ARFGEF1: variants seen among roughly 807,000 people sequenced by gnomAD.
The protein encoded by ARFGEF1 is ARF guanine nucleotide exchange factor 1.
A neutral mutation model predicts 231.0 loss-of-function variants in ARFGEF1; 42 were observed. The ratio of observed to expected loss-of-function variants is 0.18; its 90% CI spans 0.14 to 0.24. ARFGEF1 has a LOEUF of 0.24. Ranked by LOEUF, ARFGEF1 falls within the 10% of genes least tolerant of loss-of-function variation. The pLI, the probability that ARFGEF1 is intolerant of heterozygous loss-of-function variation, is 1.00. For missense variants in ARFGEF1, 1,345 were observed against 2,192.0 expected, an observed-to-expected ratio of 0.61 and a Z score of 7.72; for synonymous variants, 710 against 732.3, an observed-to-expected ratio of 0.97 and a Z score of 0.49.
At position 67,219,458 on chromosome 8, in the gene ARFGEF1, A is replaced by G. The variant is rs757609722; in HGVS notation, c.4311T>C (p.Asn1437=). The stretch of plus-strand genomic sequence containing the variant: ...CTGTCTGTTGTTCTGGCAATTTCAT[A>G]TTGTCAAAGATTCTGAAAACAATTC... ...LFRIVFRIFD[N]MKLPEQQTEK... The change falls in exon 30 of 39, where the codon AAT becomes AAC. Residue 1437 remains asparagine, a synonymous_variant. Transcript: ENST00000262215. The G allele has an allele frequency of 5.6e-6, 9 of 1,611,438 alleles. No individual in the cohort carries two copies. In the Admixed American group the frequency reaches 8.4e-5, roughly 15 times the overall value.
At chr8:67,218,207 AATATATATATAT>A (rs1228163654) in intron 30 of ARFGEF1, 69 bp from the exon 31 acceptor site, 5 of 91,368 alleles carry the variant, frequency 5.5e-5, no homozygotes, top group African/African-American at 2.1e-4. Context: ...AAAAAAAAAA[AATATATATATAT>A]ATATATATAT....
intron 34 of ARFGEF1, chr8:67,207,217 C>T (rs1445028547): frequency 6.6e-6 from 1 of 152,138 alleles, no homozygotes; most frequent in Non-Finnish European, 1.5e-5. Context: ...CATCTCAGTC[C>T]CAGGGGCAAA....
intron 18 of ARFGEF1, among the ~76,000 whole-genome samples, chr8:67,252,620 A>G (rs139676033): frequency 2.6e-5 from 4 of 152,282 alleles, no homozygotes; most frequent in African/African-American, 9.6e-5. Flanking sequence ...TTTCTATATT[A>G]CTGTTATATT....
At chr8:67,201,927 C>T in intron 36 of ARFGEF1, 1 of 314,994 alleles carries the variant, frequency 3.2e-6, no homozygotes, top group Non-Finnish European at 5.9e-6. Context: ...GGGGCAACCC[C>T]CAGGAGGTGA....
chr8:67,299,096 T>C (rs891140679), intron 4 of ARFGEF1, 113 bp downstream of exon 4: 2 of 1,070,748 alleles, frequency 1.9e-6, no homozygotes, highest in Non-Finnish European at 2.6e-6. Context: ...GAATAACCTG[T>C]ATTATAGCTG....
chr8:67,310,310 G>A (rs1473983216), intron 1 of ARFGEF1, among the ~76,000 whole-genome samples: 5 of 152,202 alleles, frequency 3.3e-5, no homozygotes, highest in Non-Finnish European at 7.3e-5. Flanking sequence ...TGTTGGCCGG[G>A]CCGGTCTCCA....
At chr8:67,224,353 T>C (rs1839301850) in intron 29 of ARFGEF1, among the ~76,000 whole-genome samples, 2 of 152,188 alleles carry the variant, frequency 1.3e-5, no homozygotes, top group Admixed American at 1.3e-4. Flanking sequence ...TGTTAGCATT[T>C]GGCCAGTTAC....
At chr8:67,174,214 G>A (rs1453936293), downstream of ARFGEF1, 1 of 152,064 alleles carries the variant, frequency 6.6e-6, no homozygotes, top group Non-Finnish European at 1.5e-5. Flanking sequence ...AAGCAGTGAA[G>A]CCAGGGACCA....
intron 7 of ARFGEF1, among the ~76,000 whole-genome samples, chr8:67,284,274 C>A (rs368825900): frequency 6.6e-6 from 1 of 151,936 alleles, no homozygotes; most frequent in Non-Finnish European, 1.5e-5. Context: ...AAATAAAAAA[C>A]GCCTTTGCTT....
At chr8:67,236,766 G>T (rs1475559948) in intron 22 of ARFGEF1, among the ~76,000 whole-genome samples, 1 of 152,142 alleles carries the variant, frequency 6.6e-6, no homozygotes, top group Non-Finnish European at 1.5e-5. Flanking sequence ...CTTGAGAATG[G>T]TCTGGAAGCC....
At chr8:67,253,696 T>G (rs1293743560) in intron 17 of ARFGEF1, 74 bp from the exon 18 acceptor site, 2 of 792,094 alleles carry the variant, frequency 2.5e-6, no homozygotes, top group Non-Finnish European at 3.6e-6. Context: ...GATATGAATA[T>G]TTACATAAGA....
chr8:67,215,846 A>T (rs1424209030), intron 33 of ARFGEF1, among the ~76,000 whole-genome samples: 5 of 152,198 alleles, frequency 3.3e-5, no homozygotes, highest in Non-Finnish European at 1.5e-5. Context: ...AAACCAATAC[A>T]CTGGGTGAAG....
At chr8:67,283,130 A>T (rs976184276) in intron 7 of ARFGEF1, among the ~76,000 whole-genome samples, 3 of 152,182 alleles carry the variant, frequency 2.0e-5, no homozygotes, top group African/African-American at 7.2e-5. Flanking sequence ...TGACCCTGGA[A>T]ATAGCCAAAT....
downstream of ARFGEF1, chr8:67,175,352 C>G: frequency 6.2e-7 from 1 of 1,613,454 alleles, no homozygotes. Flanking sequence ...AAGAGATCAT[C>G]ACACCTTAGA....
At position 67,302,454 on chromosome 8, in the gene ARFGEF1, G is replaced by A. The variant is rs767528474; in HGVS notation, c.137C>T (p.Ala46Val). 1.3e-5 allele frequency: 21 copies of A among 1,567,066 alleles called. No individual in the cohort carries two copies. The highest frequency in any genetic ancestry group is 8.6e-5 in the South Asian group (7 of 81,778). Residue 46 changes from alanine to valine, a missense_variant, in exon 2 of 39, where the codon GCG (alanine) becomes GTG (valine). This residue lies in a region of ARFGEF1 where 398 missense variants were observed against 463.2 expected (regional missense o/e 0.86). Transcript: ENST00000262215. ...ACEVALEEIK[A>V]ETEKQSPPHG... is the part of the protein sequence containing the mutation. ...CACAAACCTCTGTTTTTCAGTTTCC[G>A]CTTTTATTTCCTCTGAGGGGAAAAA...
intron 8 of ARFGEF1, 98 bp from the exon 9 acceptor site, chr8:67,276,207 G>A: frequency 7.4e-7 from 1 of 1,351,568 alleles, no homozygotes; most frequent in East Asian, 2.4e-5. Flanking sequence ...CTAACAGGTG[G>A]AGATTCCCCC....
At chr8:67,251,900 G>A (rs1229715541) in intron 18 of ARFGEF1, among the ~76,000 whole-genome samples, 2 of 152,088 alleles carry the variant, frequency 1.3e-5, no homozygotes. Flanking sequence ...AAACGAGTAG[G>A]TACCACTTTC....
chr8:67,187,625 C>T (rs1404248914), intron 5 of ARFGEF1, among the ~76,000 whole-genome samples: 5 of 151,584 alleles, frequency 3.3e-5, no homozygotes, highest in South Asian at 2.1e-4. Flanking sequence ...TCAAGGCTGC[C>T]GTGAGCTATG....
At chr8:67,275,859 A>AT (rs570170444) in intron 9 of ARFGEF1, 117 bp downstream of exon 9, 3,423 of 1,256,110 alleles carry the variant, frequency 2.7e-3, no homozygotes, top group Non-Finnish European at 3.0e-3. Flanking sequence ...CCTCCACCCA[A>AT]TTTTTTTTTA....
Sources: gnomAD v4.1 joint callset for allele counts (sites outside exome capture counted in the v4.1 genomes callset) on GRCh38, gnomAD v4.1.1 for gene constraint, gnomAD v4.1.1 regional missense constraint, MANE v1.5 for transcripts, NCBI Gene and HGNC (gene_info 2026-07-23, HGNC 2026-07-21) for gene names.